TOM1L2: variants seen among roughly 807,000 people sequenced by gnomAD.
TOM1L2 encodes target of myb1 like 2 membrane trafficking protein, also known as TOM1-like protein 2.
In TOM1L2, 31 loss-of-function variants were observed where a neutral mutation model predicts 67.9. The ratio of observed to expected loss-of-function variants is 0.46; its 90% CI spans 0.34 to 0.62. The LOEUF (loss-of-function observed/expected upper bound fraction) is 0.62, where lower values mean the gene tolerates loss of function less well. TOM1L2 is among the 20% of genes least tolerant of loss of function. The pLI, the probability that TOM1L2 is intolerant of heterozygous loss-of-function variation, is 0.01. For missense variants in TOM1L2, 606 were observed against 663.5 expected, an observed-to-expected ratio of 0.91 and a Z score of 0.95; for synonymous variants, 256 against 254.0, an observed-to-expected ratio of 1.01 and a Z score of -0.07.
At chr17:17,926,661 A>G (rs561914148) in intron 1 of TOM1L2, among the ~76,000 whole-genome samples, 1 of 152,186 alleles carries the variant, frequency 6.6e-6, no homozygotes, top group Admixed American at 6.6e-5. Flanking sequence ...TCAGGAGTTC[A>G]AGACCAGCCA....
intron 1 of TOM1L2, among the ~76,000 whole-genome samples, chr17:17,930,317 G>A (rs1387174158): frequency 1.3e-5 from 2 of 152,132 alleles, no homozygotes; most frequent in African/African-American, 4.8e-5. Flanking sequence ...GGTCCAGATG[G>A]TCTTAGGAAA....
In TOM1L2 at chr17:17,929,904, C is replaced by G. The variant is rs181825341; in HGVS notation, c.53-22373G>C. Reference sequence around the variant, plus strand: ...ACAAGTTAAACACAACATGAATTTCCACAACAGCAAGGCAGCTGCGATGAG... The same window carrying G: ...ACAAGTTAAACACAACATGAATTTCGACAACAGCAAGGCAGCTGCGATGAG... On this transcript the variant is annotated intron_variant, in intron 1 of 14. Transcript: ENST00000379504. 9.2e-5 allele frequency among the ~76,000 whole-genome samples: 14 copies of G among 152,278 alleles called. No homozygotes were observed. In the East Asian group the frequency reaches 2.5e-3, roughly 27 times the overall value.
At chr17:17,878,284 T>A (rs1371711164) in intron 7 of TOM1L2, among the ~76,000 whole-genome samples, 5 of 152,186 alleles carry the variant, frequency 3.3e-5, no homozygotes, top group Non-Finnish European at 7.4e-5. Context: ...GTCTGGGAAC[T>A]AGGGAGAGGC....
chr17:17,866,595 A>G (rs778686466), intron 9 of TOM1L2, among the ~76,000 whole-genome samples, 176 bp from the exon 10 acceptor site: 3 of 152,182 alleles, frequency 2.0e-5, no homozygotes, highest in African/African-American at 4.8e-5. Context: ...CCTGGATGTC[A>G]GTGAGCCCTG....
chr17:17,898,718 T>G, intron 2 of TOM1L2, 44 bp from the exon 3 acceptor site: 1 of 1,596,504 alleles, frequency 6.3e-7, no homozygotes, highest in Non-Finnish European at 8.6e-7. Context: ...CAATCCCACT[T>G]GAGGACACGA....
chr17:17,880,365 G>A (rs1253712339), intron 6 of TOM1L2, among the ~76,000 whole-genome samples: 1 of 152,138 alleles, frequency 6.6e-6, no homozygotes, highest in Non-Finnish European at 1.5e-5. Flanking sequence ...AAATACCCAA[G>A]TTGCCCATCA....
Position 17,920,704 on chromosome 17 carries a change from G to A in TOM1L2, c.53-13173C>T, listed in dbSNP as rs1005940129. Among the ~76,000 whole-genome samples the A allele has an allele frequency of 1.3e-4, 19 of 151,808 alleles. No individual in the cohort carries two copies. The East Asian group carries it at 3.7e-3, about 29-fold the overall frequency. ...GGCTGGAGTGCAGTGGTGCGATCTCGGCTCACTGAAACCTCTGCCTCCTGA... is the reference window on the plus strand; with the variant it reads ...GGCTGGAGTGCAGTGGTGCGATCTCAGCTCACTGAAACCTCTGCCTCCTGA... On this transcript the variant is annotated intron_variant, in intron 1 of 14. Transcript: ENST00000379504.
chr17:17,940,925 A>T (rs1228994070), intron 1 of TOM1L2, among the ~76,000 whole-genome samples: 1 of 152,216 alleles, frequency 6.6e-6, no homozygotes, highest in Non-Finnish European at 1.5e-5. Flanking sequence ...ATTCCTACCC[A>T]AAAAGGAGGC....
chr17:17,948,178 A>G (rs890777603), intron 1 of TOM1L2, among the ~76,000 whole-genome samples: 35 of 152,236 alleles, frequency 2.3e-4, no homozygotes, highest in African/African-American at 8.0e-4. Context: ...TGAAAGACCA[A>G]GTGTACTAAA....
chr17:17,951,254 T>C (rs936802520), intron 1 of TOM1L2, among the ~76,000 whole-genome samples: 8 of 152,114 alleles, frequency 5.3e-5, no homozygotes, highest in Non-Finnish European at 1.5e-5. Context: ...TTCCTAACTC[T>C]GGCAGGGACC....
Position 17,844,456 on chromosome 17 carries a change from G to T in TOM1L2, c.*3179C>A, listed in dbSNP as rs1181551596. Reference sequence around the variant, plus strand: ...GGTGGGGTGGTGGGGGAAGGCTAGTGAACCAAGGCACCATCACTCACATGG... The same window carrying T: ...GGTGGGGTGGTGGGGGAAGGCTAGTTAACCAAGGCACCATCACTCACATGG... On this transcript the variant is annotated 3_prime_UTR_variant, in exon 15 of 15. Coordinates refer to ENST00000379504, the MANE Select transcript of TOM1L2 (RefSeq NM_001082968.2). 6.6e-6 allele frequency: 1 copy of T among 152,352 alleles called. No homozygotes were observed. Among genetic ancestry groups the T allele is most frequent in the Non-Finnish European group, 1.5e-5 (1 of 68,116 alleles). The allele number at this position is 152,352 out of a possible 1,614,324, so 9.4% of individuals were successfully genotyped here. A position where few individuals can be genotyped will look rare whatever the true frequency, so the allele number is the denominator to read the frequency against.
chr17:17,931,152 C>A (rs2144700296), intron 1 of TOM1L2, among the ~76,000 whole-genome samples: 1 of 152,302 alleles, frequency 6.6e-6, no homozygotes, highest in South Asian at 2.1e-4. Flanking sequence ...CACATTCAAC[C>A]AAACCAGACT....
intron 3 of TOM1L2, among the ~76,000 whole-genome samples, chr17:17,894,732 A>C (rs4924826): frequency 0.066 from 10,069 of 152,234 alleles, 946 homozygotes; most frequent in African/African-American, 0.21. Flanking sequence ...GGAATTCAAG[A>C]CCAGCCTAGC....
rs749797892 is a variant in TOM1L2 at position 17,847,647 on chromosome 17, G to A, written c.1512C>T (p.Leu504=). The change falls in exon 15 of 15, where the codon CTC becomes CTT. Residue 504 remains leucine (L), a synonymous_variant. Coordinates refer to ENST00000379504, the MANE Select transcript of TOM1L2 (RefSeq NM_001082968.2). ...ACCACAGAGCTGCTCACAGGGCGAA[G>A]AGGGCATCCTCTGACCGCTCTGGCT... ...RKKPERSEDA[L]FAL is the part of the protein sequence containing the mutation. The A allele has an allele frequency of 1.2e-6, 2 of 1,612,028 alleles. No homozygotes were observed. The highest frequency in any genetic ancestry group is 2.2e-5 in the South Asian group (2 of 90,926).
At chr17:17,854,786 G>C (rs1281812086) in intron 12 of TOM1L2, among the ~76,000 whole-genome samples, 2 of 151,602 alleles carry the variant, frequency 1.3e-5, no homozygotes, top group Non-Finnish European at 2.9e-5. Context: ...TGCCCAGCTT[G>C]GCCTCCCAAA....
chr17:17,959,911 A>G (rs2145004285), intron 1 of TOM1L2, among the ~76,000 whole-genome samples: 1 of 152,372 alleles, frequency 6.6e-6, no homozygotes, highest in East Asian at 1.9e-4. Context: ...ACAATTTAGC[A>G]TGTGTTTAAA....
At chr17:17,955,888 C>T (rs1297391744) in intron 1 of TOM1L2, among the ~76,000 whole-genome samples, 3 of 152,156 alleles carry the variant, frequency 2.0e-5, no homozygotes, top group African/African-American at 4.8e-5. Flanking sequence ...CAGACCTTCG[C>T]GGTGAGTGTT....
Position 17,893,691 on chromosome 17 carries a change from A to G in TOM1L2, c.336T>C (p.Ile112=). 1 of 1,614,132 alleles carries G rather than the reference A, an allele frequency of 6.2e-7. No homozygotes were observed. Among genetic ancestry groups the G allele is most frequent in the Non-Finnish European group, 8.5e-7 (1 of 1,180,018 alleles). ...IISPKNNPPT[I]VQDKVLALIQ... ...TCAGAGCAAGCACTTTGTCCTGTACAATGGTGGGAGGGTTGTTCTTGGGAG... is the reference window on the plus strand; with the variant it reads ...TCAGAGCAAGCACTTTGTCCTGTACGATGGTGGGAGGGTTGTTCTTGGGAG... Residue 112 remains isoleucine (I), a synonymous_variant, in exon 4 of 15, where the codon ATT becomes ATC. Coordinates refer to ENST00000379504, the MANE Select transcript of TOM1L2 (RefSeq NM_001082968.2).
intron 2 of TOM1L2, among the ~76,000 whole-genome samples, chr17:17,900,238 T>C (rs888914406): frequency 4.7e-5 from 7 of 148,686 alleles, no homozygotes; most frequent in African/African-American, 1.0e-4. Flanking sequence ...AGAGAAAGTG[T>C]GTCCAGCATT....
Sources: gnomAD v4.1 joint callset for allele counts (sites outside exome capture counted in the v4.1 genomes callset) on GRCh38, gnomAD v4.1.1 for gene constraint, MANE v1.5 for transcripts, NCBI Gene and HGNC (gene_info 2026-07-23, HGNC 2026-07-21) for gene names.